The following TMC7 variants were observed in gnomAD, a reference collection of about 807,000 sequenced individuals.
The protein encoded by TMC7 is transmembrane channel-like protein 7.
TMC7 carries 54 observed loss-of-function variants against 82.9 expected under a neutral mutation model. That is an observed-to-expected ratio of 0.65 (90% CI 0.52 to 0.82). The LOEUF (loss-of-function observed/expected upper bound fraction) is 0.82. Among genes scored for constraint, TMC7 ranks in the 40% least tolerant of loss-of-function variants. The pLI is 0.00. For missense variants in TMC7, 820 were observed against 901.2 expected, an observed-to-expected ratio of 0.91 and a Z score of 1.15; for synonymous variants, 350 against 337.9, an observed-to-expected ratio of 1.04 and a Z score of -0.39.
intron 12 of TMC7, among the ~76,000 whole-genome samples, chr16:19,050,419 A>G (rs1045165539): frequency 6.6e-6 from 1 of 151,502 alleles, no homozygotes; most frequent in Non-Finnish European, 1.5e-5. Flanking sequence ...ACTTAAATGA[A>G]TTCATCTTGT....
At chr16:19,039,132 C>T (rs1960894523) in intron 8 of TMC7, among the ~76,000 whole-genome samples, 1 of 149,956 alleles carries the variant, frequency 6.7e-6, no homozygotes, top group Non-Finnish European at 1.5e-5. Context: ...ACTCTGTCAC[C>T]CAGGCTGGAG....
At chr16:19,011,548 A>AAAT (rs958432101) in intron 2 of TMC7, among the ~76,000 whole-genome samples, 61 of 150,128 alleles carry the variant, frequency 4.1e-4, no homozygotes, top group African/African-American at 1.5e-3. Context: ...TAAATAAATA[A>AAAT]AATAATAATA....
chr16:18,992,067 G>T (rs1007594452), intron 1 of TMC7, among the ~76,000 whole-genome samples: 2 of 152,174 alleles, frequency 1.3e-5, no homozygotes, highest in African/African-American at 4.8e-5. Context: ...ACGTGTGCAT[G>T]TGTCTTTATA....
At chr16:19,033,036 T>C (rs1052324684) in intron 6 of TMC7, among the ~76,000 whole-genome samples, 7 of 152,070 alleles carry the variant, frequency 4.6e-5, no homozygotes, top group African/African-American at 1.7e-4. Flanking sequence ...CTGGGTGTGA[T>C]GTAATGGGAG....
chr16:19,036,159 A>G (rs1490035591), intron 7 of TMC7, among the ~76,000 whole-genome samples: 1 of 152,146 alleles, frequency 6.6e-6, no homozygotes, highest in African/African-American at 2.4e-5. Context: ...TACTTATACC[A>G]GGAGAAATGG....
At chr16:19,023,741 C>T (rs1596756138) in intron 5 of TMC7, among the ~76,000 whole-genome samples, 2 of 152,168 alleles carry the variant, frequency 1.3e-5, no homozygotes, top group African/African-American at 2.4e-5. Flanking sequence ...GCCACCATAC[C>T]GGCCTCTAGT....
chr16:19,021,870 C>A, intron 4 of TMC7, 74 bp downstream of exon 4: 1 of 1,517,192 alleles, frequency 6.6e-7, no homozygotes. Flanking sequence ...GCTTCCTTTG[C>A]TAAGAATCTT....
intron 9 of TMC7, among the ~76,000 whole-genome samples, chr16:19,042,414 A>G (rs1345279142): frequency 2.0e-5 from 3 of 151,560 alleles, no homozygotes; most frequent in African/African-American, 7.3e-5. Context: ...GGCTCAAGCA[A>G]TTCTCCCACC....
chr16:19,009,721 C>T (rs970735074), intron 2 of TMC7, among the ~76,000 whole-genome samples: 1 of 151,948 alleles, frequency 6.6e-6, no homozygotes, highest in Admixed American at 6.5e-5. Context: ...GGGTGGATCA[C>T]CTGAGGTCAG....
Position 19,063,301 on chromosome 16 carries a change from C to A in TMC7, c.*1458C>A, listed in dbSNP as rs547231449. 68 of 152,308 alleles carry A rather than the reference C, an allele frequency of 4.5e-4. 1 individual carries two copies. The highest frequency in any genetic ancestry group is 6.8e-3 in the Middle Eastern group (2 of 294). The allele number at this position is 152,308 out of a possible 1,614,324, so 9.4% of individuals were successfully genotyped here. ...GGCACAGTGGCTCATGCCTGCAATC[C>A]CAGAACTTTGGGAGTCCAAGGAGGG... On this transcript the variant is annotated 3_prime_UTR_variant, in exon 16 of 16. Transcript: ENST00000304381.
chr16:19,053,749 A>G (rs1326833041), intron 13 of TMC7, among the ~76,000 whole-genome samples: 1 of 151,816 alleles, frequency 6.6e-6, no homozygotes, highest in East Asian at 1.9e-4. Context: ...AAAATTCAAA[A>G]GATATTTTAA....
At chr16:19,024,878 C>T (rs1178142559) in intron 5 of TMC7, among the ~76,000 whole-genome samples, 8 of 151,932 alleles carry the variant, frequency 5.3e-5, no homozygotes, top group Non-Finnish European at 5.9e-5. Context: ...TGGTGGCGGG[C>T]GCCTGTAGTC....
rs1961551925 is a variant in TMC7, at chr16:19,051,764, T to G, written c.1819T>G (p.Leu607Val). 5 of 1,614,162 alleles carry G rather than the reference T, an allele frequency of 3.1e-6. No homozygotes were observed. The highest frequency in any genetic ancestry group is 1.3e-5 in the African/African-American group (1 of 75,040). ...TTCTAATTTCTTCTTCCTGTTGGTGTTGTTGATCGGGCTGTGTTTGGCAAT... is the reference window on the plus strand; with the variant it reads ...TTCTAATTTCTTCTTCCTGTTGGTGGTGTTGATCGGGCTGTGTTTGGCAAT... ...SNSNFFFLLV[L>V]LIGLCLAIIP... is the part of the protein sequence containing the mutation. The change falls in exon 13 of 16, where the codon TTG becomes GTG. Residue 607 changes from leucine (L) to valine (V), a missense_variant. Physicochemically the swap from Leu to Val is conservative, Grantham distance 32 (BLOSUM62 1). Around this residue, in one of 2 missense-constraint regions of TMC7, gnomAD observed 170 missense variants for 231.3 expected, o/e 0.74. Coordinates refer to ENST00000304381, the MANE Select transcript of TMC7 (RefSeq NM_024847.4).
At chr16:19,031,965 C>T (rs1960537148) in intron 6 of TMC7, among the ~76,000 whole-genome samples, 1 of 152,200 alleles carries the variant, frequency 6.6e-6, no homozygotes, top group African/African-American at 2.4e-5. Flanking sequence ...TAGCCAACTG[C>T]AAGGGAGGCC....
At chr16:19,034,312 G>A (rs1960643407) in intron 6 of TMC7, among the ~76,000 whole-genome samples, 1 of 152,000 alleles carries the variant, frequency 6.6e-6, no homozygotes, top group Non-Finnish European at 1.5e-5. Context: ...AAATAAAAGG[G>A]ATTGGGCTAG....
At chr16:19,053,991 C>T (rs1377459292) in intron 13 of TMC7, among the ~76,000 whole-genome samples, 1 of 151,934 alleles carries the variant, frequency 6.6e-6, no homozygotes, top group Non-Finnish European at 1.5e-5. Flanking sequence ...CCACTTTTCT[C>T]TCTTTTTCTC....
At chr16:19,025,339 C>T (rs760476870) in intron 5 of TMC7, among the ~76,000 whole-genome samples, 4 of 152,022 alleles carry the variant, frequency 2.6e-5, no homozygotes, top group Non-Finnish European at 5.9e-5. Flanking sequence ...CCATACCGGC[C>T]GGGTGCGGTG....
intron 9 of TMC7, among the ~76,000 whole-genome samples, chr16:19,043,795 C>A (rs1282096127): frequency 6.6e-6 from 1 of 152,080 alleles, no homozygotes; most frequent in Non-Finnish European, 1.5e-5. Context: ...TGGTTTCGAA[C>A]TTCTGACCTC....
intron 1 of TMC7, among the ~76,000 whole-genome samples, chr16:19,008,100 T>G (rs2039273262): frequency 1.3e-5 from 2 of 152,200 alleles, no homozygotes; most frequent in South Asian, 4.1e-4. Flanking sequence ...GAAGCTTTGC[T>G]GCATAGGGGT....
Sources: gnomAD v4.1 joint callset for allele counts (sites outside exome capture counted in the v4.1 genomes callset) on GRCh38, gnomAD v4.1.1 for gene constraint, gnomAD v4.1.1 regional missense constraint, MANE v1.5 for transcripts, NCBI Gene and HGNC (gene_info 2026-07-23, HGNC 2026-07-21) for gene names.